PLCB1: variants seen among roughly 807,000 people sequenced by gnomAD.
The protein encoded by PLCB1 is phospholipase C beta 1.
In PLCB1, 46 loss-of-function variants were observed where a neutral mutation model predicts 161.8. That is an observed-to-expected ratio of 0.28 (90% CI 0.22 to 0.36). The LOEUF is 0.36. PLCB1 is among the 10% of genes least tolerant of loss of function. PLCB1 has a pLI of 1.00. For synonymous variants in PLCB1, 517 were observed against 503.7 expected, an observed-to-expected ratio of 1.03 and a Z score of -0.35; for missense variants, 1,016 against 1,472.5, an observed-to-expected ratio of 0.69 and a Z score of 5.07.
At chr20:8,684,639 A>G (rs940598738) in intron 9 of PLCB1, among the ~76,000 whole-genome samples, 4 of 152,198 alleles carry the variant, frequency 2.6e-5, no homozygotes, top group African/African-American at 9.7e-5. Flanking sequence ...ATAACATTTT[A>G]GTGCCGATCC....
intron 2 of PLCB1, among the ~76,000 whole-genome samples, chr20:8,237,300 A>C (rs1490741349): frequency 6.6e-6 from 1 of 152,064 alleles, no homozygotes; most frequent in African/African-American, 2.4e-5. Flanking sequence ...AGCTGTTACC[A>C]AATTAAATAA....
At position 8,646,836 on chromosome 20, in the gene PLCB1, G is replaced by A. The variant is rs75882329; in HGVS notation, c.464+655G>A. Among the ~76,000 whole-genome samples, 749 of 152,330 alleles carry A rather than the reference G, an allele frequency of 4.9e-3. 9 individuals are homozygous for A. Among genetic ancestry groups the A allele is most frequent in the African/African-American group, 0.017 (721 of 41,580 alleles). ...GCAAGATGAGCAGCAAGGAAAGCTG[G>A]TTGTGTTCATTTTGGAAGCTGTGGT... On this transcript the variant is annotated intron_variant, in intron 5 of 31. Transcript: ENST00000338037.
At chr20:8,808,762 T>C (rs1268135473) in intron 31 of PLCB1, among the ~76,000 whole-genome samples, 2 of 152,156 alleles carry the variant, frequency 1.3e-5, no homozygotes, top group Non-Finnish European at 2.9e-5. Context: ...CTTAAGCAAA[T>C]ATTAATTTTC....
intron 3 of PLCB1, among the ~76,000 whole-genome samples, chr20:8,404,921 G>A (rs1978719259): frequency 6.6e-6 from 1 of 152,088 alleles, no homozygotes; most frequent in African/African-American, 2.4e-5. Context: ...TTAGCAAAAT[G>A]AGCAATATTT....
At chr20:8,721,659 T>C (rs1979639158) in intron 14 of PLCB1, among the ~76,000 whole-genome samples, 1 of 152,216 alleles carries the variant, frequency 6.6e-6, no homozygotes, top group South Asian at 2.1e-4. Context: ...CTCTTAAAAA[T>C]AATATCAGCA....
intron 3 of PLCB1, among the ~76,000 whole-genome samples, chr20:8,589,254 A>G (rs1987076928): frequency 6.6e-6 from 1 of 152,176 alleles, no homozygotes; most frequent in South Asian, 2.1e-4. Flanking sequence ...GTTCTAGGTG[A>G]CTGAGTTACA....
chr20:8,167,049 T>A (rs117157968), intron 2 of PLCB1, among the ~76,000 whole-genome samples: 1,600 of 152,308 alleles, frequency 0.011, 15 homozygotes, highest in Non-Finnish European at 0.017. Context: ...GGAAAGTAAC[T>A]TGTAGCATTC....
intron 24 of PLCB1, among the ~76,000 whole-genome samples, chr20:8,759,202 A>G (rs190465010): frequency 3.1e-4 from 47 of 152,254 alleles, no homozygotes. Context: ...GGTTGAGGGC[A>G]TGCATTTTGA....
At chr20:8,488,321 A>G (rs1982813995) in intron 3 of PLCB1, among the ~76,000 whole-genome samples, 1 of 151,686 alleles carries the variant, frequency 6.6e-6, no homozygotes, top group African/African-American at 2.4e-5. Flanking sequence ...TCAACAGGGA[A>G]CTCCACAGGG....
At chr20:8,700,302 T>C (rs1341311918) in intron 11 of PLCB1, among the ~76,000 whole-genome samples, 1 of 152,256 alleles carries the variant, frequency 6.6e-6, no homozygotes, top group Non-Finnish European at 1.5e-5. Context: ...ATTTTCTTAA[T>C]AATTTAAAAT....
intron 31 of PLCB1, among the ~76,000 whole-genome samples, chr20:8,880,049 A>C (rs1046288341): frequency 6.6e-5 from 10 of 152,196 alleles, no homozygotes; most frequent in African/African-American, 2.4e-4. Flanking sequence ...TGAGTCGGAC[A>C]GAATCAAGAT....
At chr20:8,394,243 T>A (rs74472739) in intron 3 of PLCB1, among the ~76,000 whole-genome samples, 3,260 of 152,308 alleles carry the variant, frequency 0.021, 57 homozygotes, top group South Asian at 0.037. Flanking sequence ...TGGTTTCACA[T>A]CTTATGACTT....
chr20:8,255,540 G>A (rs970214596), intron 2 of PLCB1, among the ~76,000 whole-genome samples: 1 of 151,804 alleles, frequency 6.6e-6, no homozygotes, highest in Non-Finnish European at 1.5e-5. Flanking sequence ...TATATCATAC[G>A]CTTATAATTC....
chr20:8,136,380 A>C (rs1600189604), intron 1 of PLCB1, among the ~76,000 whole-genome samples: 3 of 152,190 alleles, frequency 2.0e-5, no homozygotes, highest in Admixed American at 2.0e-4. Flanking sequence ...TAATCCTAGC[A>C]CTTTGGGAAG....
intron 14 of PLCB1, among the ~76,000 whole-genome samples, chr20:8,720,797 C>G (rs1979583214): frequency 6.6e-6 from 1 of 151,408 alleles, no homozygotes; most frequent in South Asian, 2.1e-4. Flanking sequence ...TTATAGAAAG[C>G]TCTGCCAAAC....
intron 27 of PLCB1, among the ~76,000 whole-genome samples, chr20:8,783,834 C>A (rs558013890): frequency 6.6e-6 from 1 of 152,186 alleles, no homozygotes; most frequent in South Asian, 2.1e-4. Flanking sequence ...TGTTTGGGTC[C>A]CATGATGACC....
At chr20:8,224,470 G>A (rs1979573994) in intron 2 of PLCB1, among the ~76,000 whole-genome samples, 1 of 152,108 alleles carries the variant, frequency 6.6e-6, no homozygotes, top group Non-Finnish European at 1.5e-5. Context: ...TGAGGCAATT[G>A]AGACTACATT....
chr20:8,148,001 G>C (rs1322886460), intron 1 of PLCB1, among the ~76,000 whole-genome samples: 2 of 150,732 alleles, frequency 1.3e-5, no homozygotes, highest in Non-Finnish European at 2.9e-5. Context: ...GCCTCCTTTA[G>C]AAGTTTTATT....
chr20:8,394,825 G>A (rs1048597713), intron 3 of PLCB1, among the ~76,000 whole-genome samples: 3 of 151,982 alleles, frequency 2.0e-5, no homozygotes, highest in African/African-American at 7.3e-5. Context: ...ATAGTATATA[G>A]GCTTCTATCT....
Sources: allele counts gnomAD v4.1 joint callset (sites outside exome capture counted in the v4.1 genomes callset), GRCh38; gene constraint gnomAD v4.1.1; transcripts MANE v1.5; gene names NCBI Gene and HGNC (gene_info 2026-07-23, HGNC 2026-07-21).